Variants in UBE2H observed in about 807,000 individuals in gnomAD.
UBE2H encodes the protein ubiquitin-conjugating enzyme E2 H.
A neutral mutation model predicts 29.0 loss-of-function variants in UBE2H; 3 were observed. The ratio of observed to expected loss-of-function variants is 0.10; its 90% CI spans 0.05 to 0.27. UBE2H has a LOEUF of 0.27. UBE2H is among the 10% of genes least tolerant of loss of function. UBE2H has a pLI of 1.00. For synonymous variants in UBE2H, 69 were observed against 82.9 expected, an observed-to-expected ratio of 0.83 and a Z score of 0.91; for missense variants, 68 against 228.2, an observed-to-expected ratio of 0.30 and a Z score of 4.52.
rs143788919 is a variant in UBE2H, at chr7:129,949,178, G to C, written c.53+3325C>G. 2.6e-3 allele frequency: 874 copies of C among 332,604 alleles called. 3 individuals carry two copies. The highest frequency in any genetic ancestry group is 3.9e-3 in the Non-Finnish European group (631 of 161,860). The allele number at this position is 332,604 out of a possible 1,614,324, so 20.6% of individuals were successfully genotyped here. ...GTAACCCCCACCAACAAGGAAACCC[G>C]TGTAATCTGAGCTGTTTGTTCCTCC... On this transcript the variant is annotated intron_variant, in intron 1 of 6. Coordinates refer to ENST00000355621, the MANE Select transcript of UBE2H (RefSeq NM_003344.4).
rs919762143 is a variant in UBE2H at position 129,913,010 on chromosome 7, G to A, written c.54-32039C>T. Among the ~76,000 whole-genome samples the A allele has an allele frequency of 4.6e-5, 7 of 152,244 alleles. No individual in the cohort carries two copies. The East Asian group carries it at 5.8e-4, about 13-fold the overall frequency. On this transcript the variant is annotated intron_variant, in intron 1 of 6. Coordinates refer to ENST00000355621, the MANE Select transcript of UBE2H (RefSeq NM_003344.4). Reference sequence around the variant, plus strand: ...TCACGCCTGTAATCCCAGCACTTTCGGAGGCCAAGGCGGGTGGGTCGCCTG... The same window carrying A: ...TCACGCCTGTAATCCCAGCACTTTCAGAGGCCAAGGCGGGTGGGTCGCCTG...
intron 1 of UBE2H, among the ~76,000 whole-genome samples, chr7:129,928,265 A>G (rs1807313419): frequency 6.6e-6 from 1 of 151,948 alleles, no homozygotes; most frequent in Non-Finnish European, 1.5e-5. Context: ...CTGGCGACAG[A>G]GCAAGTCTCT....
intron 1 of UBE2H, among the ~76,000 whole-genome samples, chr7:129,910,285 C>T (rs984188576): frequency 6.6e-6 from 1 of 151,292 alleles, no homozygotes; most frequent in Non-Finnish European, 1.5e-5. Flanking sequence ...ACGGAGATTG[C>T]ACCACTGCAC....
At chr7:129,917,962 C>T (rs1255239108) in intron 1 of UBE2H, among the ~76,000 whole-genome samples, 1 of 152,148 alleles carries the variant, frequency 6.6e-6, no homozygotes, top group African/African-American at 2.4e-5. Flanking sequence ...TATGCACACG[C>T]GAATAAGTGC....
chr7:129,943,716 C>A (rs1449728297), intron 1 of UBE2H, among the ~76,000 whole-genome samples: 2 of 152,120 alleles, frequency 1.3e-5, no homozygotes, highest in Non-Finnish European at 2.9e-5. Flanking sequence ...ACCTGGCCAA[C>A]ATGGCAAAAC....
At chr7:129,838,114 A>G (rs1805363896) in intron 6 of UBE2H, among the ~76,000 whole-genome samples, 1 of 152,254 alleles carries the variant, frequency 6.6e-6, no homozygotes, top group Non-Finnish European at 1.5e-5. Flanking sequence ...TTCTTCAAAT[A>G]CATGTTTGCT....
rs908887970 is a variant in UBE2H, at chr7:129,831,045, T to C, written c.*3892A>G. ...AGCCAAGATGAGTGTTAGGCTAAAT[T>C]CAGAGCCCTGGCTCTTCCTCAGATG... On this transcript the variant is annotated 3_prime_UTR_variant, in exon 7 of 7. Coordinates refer to ENST00000355621, the MANE Select transcript of UBE2H (RefSeq NM_003344.4). 3.9e-5 allele frequency: 6 copies of C among 151,982 alleles called. No homozygotes were observed. The highest frequency in any genetic ancestry group is 1.5e-4 in the African/African-American group (6 of 41,348). 9.4% of individuals were successfully genotyped at this position (151,982 alleles called of 1,614,324 possible).
intron 1 of UBE2H, among the ~76,000 whole-genome samples, chr7:129,890,233 ATATATATACACACG>A (rs202011632): frequency 0.021 from 3,254 of 152,024 alleles, 45 homozygotes; most frequent in Admixed American, 0.037. Flanking sequence ...GATACCACAT[ATATATATACACACG>A]TATACATACA....
intron 1 of UBE2H, among the ~76,000 whole-genome samples, chr7:129,887,760 G>A (rs915850558): frequency 1.3e-4 from 20 of 151,996 alleles, no homozygotes; most frequent in African/African-American, 4.8e-4. Flanking sequence ...TTAGCCAGGC[G>A]TTGTGGCACA....
At chr7:129,895,688 C>G (rs1175941259) in intron 1 of UBE2H, among the ~76,000 whole-genome samples, 1 of 152,048 alleles carries the variant, frequency 6.6e-6, no homozygotes, top group Non-Finnish European at 1.5e-5. Flanking sequence ...ATCACGAGGT[C>G]AGGAGATCGA....
intron 1 of UBE2H, among the ~76,000 whole-genome samples, chr7:129,944,748 A>ACACACG (rs34490269): frequency 0.02 from 2,765 of 140,042 alleles, 43 homozygotes; most frequent in African/African-American, 0.038. Context: ...ACACACACAC[A>ACACACG]CACGCACGCA....
In UBE2H at chr7:129,908,982, C is replaced by T. The variant is rs144105917; in HGVS notation, c.54-28011G>A. Among the ~76,000 whole-genome samples the T allele has an allele frequency of 4.6e-5, 7 of 152,344 alleles. No individual in the cohort carries two copies. The East Asian group carries it at 1.2e-3, about 25-fold the overall frequency. ...AGAACTCAGAATGTAACTTCCTACA[C>T]ACAAAAGCCAATTTAACTCACTTTT... On this transcript the variant is annotated intron_variant, in intron 1 of 6. Transcript: ENST00000355621.
At position 129,891,817 on chromosome 7, in the gene UBE2H, A is replaced by C. The variant is rs865845885; in HGVS notation, c.54-10846T>G. Among the ~76,000 whole-genome samples the C allele has an allele frequency of 3.2e-3, 480 of 152,096 alleles. 5 individuals are homozygous for C. Among genetic ancestry groups the C allele is most frequent in the African/African-American group, 9.9e-3 (411 of 41,488 alleles). ...TGTCTCCAAAAACAAAAACAAAAAA[A>C]AAAAAAAAAACACACACACACTTTA... On this transcript the variant is annotated intron_variant, in intron 1 of 6. Transcript: ENST00000355621.
chr7:129,922,139 C>A (rs1807176263), intron 1 of UBE2H, among the ~76,000 whole-genome samples: 1 of 151,684 alleles, frequency 6.6e-6, no homozygotes, highest in Non-Finnish European at 1.5e-5. Flanking sequence ...GTGCACCAGC[C>A]ACCACGCCTG....
rs531972013 is a variant in UBE2H at position 129,833,404 on chromosome 7, G to A, written c.*1533C>T. On this transcript the variant is annotated 3_prime_UTR_variant, in exon 7 of 7. Coordinates refer to ENST00000355621, the MANE Select transcript of UBE2H (RefSeq NM_003344.4). ...GAAGGTTTTAGGATTGGCTAATTCTGCTATTATCTTATTGGCTGCGGCAAA... is the reference window on the plus strand; with the variant it reads ...GAAGGTTTTAGGATTGGCTAATTCTACTATTATCTTATTGGCTGCGGCAAA... 2 of 152,478 alleles carry A rather than the reference G, an allele frequency of 1.3e-5. No individual in the cohort carries two copies. The highest frequency in any genetic ancestry group is 3.9e-4 in the East Asian group (2 of 5,172). The allele number at this position is 152,478 out of a possible 1,614,324, so 9.4% of individuals were successfully genotyped here. A position where few individuals can be genotyped will look rare whatever the true frequency, so the allele number is the denominator to read the frequency against.
At chr7:129,861,285 T>C (rs1022333254) in intron 3 of UBE2H, among the ~76,000 whole-genome samples, 1 of 152,192 alleles carries the variant, frequency 6.6e-6, no homozygotes, top group Admixed American at 6.5e-5. Flanking sequence ...AATGTGCTTC[T>C]ATATTATTTG....
Position 129,834,782 on chromosome 7 carries a change from T to C in UBE2H, c.*155A>G. ...GAGAAATGACCAAGAAATCAAGATC[T>C]AAAGGGTGATATATAATATATATAT... On this transcript the variant is annotated 3_prime_UTR_variant, in exon 7 of 7. Transcript: ENST00000355621. The C allele has an allele frequency of 1.2e-6, 1 of 867,942 alleles. No individual in the cohort carries two copies. Among genetic ancestry groups the C allele is most frequent in the Non-Finnish European group, 1.7e-6 (1 of 603,094 alleles). 53.8% of individuals were successfully genotyped at this position (867,942 alleles called of 1,614,324 possible).
chr7:129,876,581 A>G (rs960639264), intron 3 of UBE2H, among the ~76,000 whole-genome samples: 1 of 152,206 alleles, frequency 6.6e-6, no homozygotes, highest in Non-Finnish European at 1.5e-5. Flanking sequence ...TTATACCCCA[A>G]TTGATATTAC....
chr7:129,865,936 T>C (rs751396501), intron 3 of UBE2H, among the ~76,000 whole-genome samples: 9 of 152,144 alleles, frequency 5.9e-5, no homozygotes, highest in African/African-American at 1.2e-4. Flanking sequence ...GGTGTTCCAA[T>C]TGAGTAAGGG....
Sources: allele counts gnomAD v4.1 joint callset (sites outside exome capture counted in the v4.1 genomes callset), GRCh38; gene constraint gnomAD v4.1.1; transcripts MANE v1.5; gene names NCBI Gene and HGNC (gene_info 2026-07-23, HGNC 2026-07-21).